ROBO2: variants seen among roughly 807,000 people sequenced by gnomAD.
ROBO2 encodes the protein roundabout guidance receptor 2.
ROBO2 carries 53 observed loss-of-function variants against 160.8 expected under a neutral mutation model. The ratio of observed to expected loss-of-function variants is 0.33; its 90% CI spans 0.26 to 0.41. ROBO2 has a LOEUF of 0.41. ROBO2 is among the 10% of genes least tolerant of loss of function. The pLI is 1.00. For synonymous variants in ROBO2, 664 were observed against 611.7 expected (o/e 1.09, Z -1.26); for missense variants, 1,577 against 1,722.4 (o/e 0.92, Z 1.49).
rs548695326 is a variant in ROBO2 at position 76,658,412 on chromosome 3, G to A, written c.110-439602G>A. Among the ~76,000 whole-genome samples, 9 of 151,748 alleles carry A rather than the reference G, an allele frequency of 5.9e-5. No individual in the cohort carries two copies. In the South Asian group the frequency reaches 1.2e-3, roughly 21 times the overall value. Reference sequence around the variant, plus strand: ...GCAGGTTTGTTACATAAGTATACACGTGCCATGGTGGTTTGCTGCACCCAT... The same window carrying A: ...GCAGGTTTGTTACATAAGTATACACATGCCATGGTGGTTTGCTGCACCCAT... On this transcript the variant is annotated intron_variant, in intron 2 of 26. Transcript: ENST00000487694.
At chr3:75,976,475 T>C (rs767570386) in intron 2 of ROBO2, among the ~76,000 whole-genome samples, 3 of 151,510 alleles carry the variant, frequency 2.0e-5, no homozygotes, top group Non-Finnish European at 4.4e-5. Context: ...ATCCCACTTA[T>C]ACAATGTAGA....
chr3:77,393,491 A>C (rs2074955219), intron 2 of ROBO2, among the ~76,000 whole-genome samples: 2 of 151,104 alleles, frequency 1.3e-5, no homozygotes, highest in South Asian at 4.2e-4. Context: ...ACAGTACCAC[A>C]AAATGACTAG....
At chr3:77,052,623 T>C (rs549459585) in intron 1 of ROBO2, among the ~76,000 whole-genome samples, 2 of 152,274 alleles carry the variant, frequency 1.3e-5, no homozygotes, top group East Asian at 1.9e-4. Flanking sequence ...TAAAAGCTAG[T>C]TTTTCATGAA....
At chr3:77,619,712 T>A (rs2094860231) in intron 22 of ROBO2, among the ~76,000 whole-genome samples, 2 of 152,092 alleles carry the variant, frequency 1.3e-5, no homozygotes, top group Admixed American at 1.3e-4. Flanking sequence ...AGCCCCCCCA[T>A]AATCATATTG....
At chr3:77,434,310 G>A (rs952392430) in intron 2 of ROBO2, among the ~76,000 whole-genome samples, 3 of 151,918 alleles carry the variant, frequency 2.0e-5, no homozygotes, top group Admixed American at 1.3e-4. Flanking sequence ...GACTAGGTGA[G>A]GACCCCCAAA....
At chr3:76,378,443 A>G (rs2076455588) in intron 2 of ROBO2, among the ~76,000 whole-genome samples, 1 of 152,198 alleles carries the variant, frequency 6.6e-6, no homozygotes, top group Non-Finnish European at 1.5e-5. Flanking sequence ...AGTATCATCC[A>G]GCCATCAATC....
chr3:76,974,521 C>G (rs1229389280), intron 2 of ROBO2, among the ~76,000 whole-genome samples: 1 of 152,124 alleles, frequency 6.6e-6, no homozygotes, highest in Non-Finnish European at 1.5e-5. Flanking sequence ...GATCACCCAG[C>G]CTGAAGGACT....
intron 12 of ROBO2, among the ~76,000 whole-genome samples, chr3:77,566,546 T>C (rs2093486497): frequency 6.6e-6 from 1 of 152,056 alleles, no homozygotes; most frequent in Admixed American, 6.6e-5. Flanking sequence ...ATAGAAATAG[T>C]TTTTGTGTGT....
chr3:76,076,730 A>G (rs1349201066), intron 2 of ROBO2, among the ~76,000 whole-genome samples: 1 of 152,184 alleles, frequency 6.6e-6, no homozygotes, highest in East Asian at 1.9e-4. Flanking sequence ...AAACTGCCAC[A>G]TGTGTTATAT....
At chr3:77,013,513 C>A (rs1373422535) in intron 2 of ROBO2, among the ~76,000 whole-genome samples, 1 of 151,988 alleles carries the variant, frequency 6.6e-6, no homozygotes, top group Non-Finnish European at 1.5e-5. Flanking sequence ...AAAAACAGTG[C>A]AACCCAATTC....
At chr3:76,130,854 C>A (rs918770937) in intron 2 of ROBO2, among the ~76,000 whole-genome samples, 3 of 152,066 alleles carry the variant, frequency 2.0e-5, no homozygotes, top group African/African-American at 7.2e-5. Context: ...TTCTATTTTT[C>A]AATATTAATG....
chr3:76,877,739 A>G (rs887510518), intron 2 of ROBO2, among the ~76,000 whole-genome samples: 4 of 152,204 alleles, frequency 2.6e-5, no homozygotes, highest in Non-Finnish European at 1.5e-5. Context: ...TTATTTGCTC[A>G]CAATACTGGA....
At chr3:76,024,348 C>G (rs974260668) in intron 2 of ROBO2, among the ~76,000 whole-genome samples, 4 of 146,088 alleles carry the variant, frequency 2.7e-5, no homozygotes, top group Non-Finnish European at 6.0e-5. Context: ...AGCAAGTTAA[C>G]TCATGTTTAT....
At chr3:77,598,038 G>C (rs1289238889) in intron 19 of ROBO2, among the ~76,000 whole-genome samples, 1 of 152,124 alleles carries the variant, frequency 6.6e-6, no homozygotes, top group African/African-American at 2.4e-5. Context: ...AAATTGGAGT[G>C]ATTAATTAGA....
intron 2 of ROBO2, among the ~76,000 whole-genome samples, chr3:76,151,950 C>T (rs1305328557): frequency 5.3e-5 from 8 of 152,272 alleles, no homozygotes; most frequent in East Asian, 3.9e-4. Context: ...CATTATCAAA[C>T]GTCTCACTAG....
chr3:77,564,087 C>T (rs531163681), intron 11 of ROBO2, among the ~76,000 whole-genome samples: 8 of 152,012 alleles, frequency 5.3e-5, no homozygotes, highest in Admixed American at 2.6e-4. Context: ...GACAAATGAT[C>T]ACTTTCTTAT....
chr3:76,457,093 A>G (rs1260363887), intron 2 of ROBO2, among the ~76,000 whole-genome samples: 1 of 152,100 alleles, frequency 6.6e-6, no homozygotes, highest in East Asian at 1.9e-4. Context: ...ATGTCCTCAT[A>G]TTTCAAAACC....
chr3:75,937,723 G>GTTTTTC (rs1947849978), intron 2 of ROBO2: 1 of 537,166 alleles, frequency 1.9e-6, no homozygotes, highest in Non-Finnish European at 3.2e-6. Context: ...CCAGGTTTTT[G>GTTTTTC]TTACACGGTA....
At chr3:76,275,306 A>C (rs532019639) in intron 2 of ROBO2, among the ~76,000 whole-genome samples, 359 of 152,262 alleles carry the variant, frequency 2.4e-3, no homozygotes, top group Middle Eastern at 6.8e-3. Flanking sequence ...TAATACTTTA[A>C]GTTTTAGGGT....
Sources: allele counts gnomAD v4.1 joint callset (sites outside exome capture counted in the v4.1 genomes callset), GRCh38; gene constraint gnomAD v4.1.1; transcripts MANE v1.5; gene names NCBI Gene and HGNC (gene_info 2026-07-23, HGNC 2026-07-21).